Variants in TAF6 observed in about 807,000 individuals in gnomAD.
The protein encoded by TAF6 is transcription initiation factor TFIID subunit 6.
Under a neutral mutation model 73.5 loss-of-function variants are expected in TAF6, and 50 were observed. That is an observed-to-expected ratio of 0.68 (90% CI 0.54 to 0.86). The LOEUF is 0.86. TAF6 is among the 40% of genes least tolerant of loss of function. The probability of loss-of-function intolerance (pLI) is 0.00; values close to 1 mark genes in which losing one functional copy is unlikely to be tolerated. For missense variants in TAF6, 768 were observed against 899.5 expected (o/e 0.85, Z 1.87); for synonymous variants, 424 against 376.7 (o/e 1.13, Z -1.45).
chr7:100,117,267 C>CT (rs1181165298), intron 1 of TAF6, among the ~76,000 whole-genome samples: 22,603 of 105,060 alleles, frequency 0.22, 3,217 homozygotes, highest in East Asian at 0.35. Context: ...AGACAGGGCT[C>CT]TTTTTTTTTT....
At chr7:100,121,116 ATTTTTTTTTTTTTTTTTTTTT>A (rs1163501525), upstream of TAF6, 4 of 52,800 alleles carry the variant, frequency 7.6e-5, no homozygotes, top group African/African-American at 3.9e-4. Flanking sequence ...ATATATATAT[ATTTTTTTTTTTTTTTTTTTTT>A]TTTTTTTTTT....
intron 1 of TAF6, 130 bp from the exon 2 acceptor site, chr7:100,114,398 C>G: frequency 1.1e-6 from 1 of 927,510 alleles, no homozygotes; most frequent in Non-Finnish European, 1.7e-6. Flanking sequence ...TGAGTCAGCC[C>G]TGAGGTGTAA....
upstream of TAF6, chr7:100,124,658 C>T (rs1798165627): frequency 6.2e-7 from 1 of 1,611,568 alleles, no homozygotes; most frequent in South Asian, 1.1e-5. Flanking sequence ...AACTCCTCTC[C>T]TGCCAAGCCA....
At chr7:100,124,624 T>G, upstream of TAF6, 1 of 1,613,224 alleles carries the variant, frequency 6.2e-7, no homozygotes, top group Non-Finnish European at 8.5e-7. Context: ...TCCCAGCTGC[T>G]GAAACTGGTA....
At chr7:100,118,850 C>A (rs1288895371) in intron 1 of TAF6, 1 of 985,178 alleles carries the variant, frequency 1.0e-6, no homozygotes, top group Non-Finnish European at 1.2e-6. Flanking sequence ...TAAGTCTTAT[C>A]TATAGGGAAC....
At chr7:100,124,345 T>A, upstream of TAF6, 1 of 585,052 alleles carries the variant, frequency 1.7e-6, no homozygotes, top group Non-Finnish European at 3.1e-6. Flanking sequence ...GCAGAATAGG[T>A]GCTGGTAAAT....
chr7:100,123,940 C>T (rs577826451), upstream of TAF6, among the ~76,000 whole-genome samples: 270 of 152,202 alleles, frequency 1.8e-3, no homozygotes, highest in South Asian at 3.7e-3. Context: ...ACCAGCCGGG[C>T]CATCATAGTG....
intron 3 of TAF6, 46 bp from the exon 4 acceptor site, chr7:100,113,815 A>T: frequency 6.2e-7 from 1 of 1,610,082 alleles, no homozygotes; most frequent in Non-Finnish European, 8.5e-7. Flanking sequence ...GCCGGAGGAG[A>T]CCTGGCTGAA....
At chr7:100,114,447 T>C in intron 1 of TAF6, 179 bp from the exon 2 acceptor site, 1 of 685,944 alleles carries the variant, frequency 1.5e-6, no homozygotes, top group Admixed American at 2.3e-5. Context: ...CCAGGTTCAG[T>C]GGCTCACGCC....
chr7:100,121,117 T>TATATATATATATATATATATA (rs1491228284), upstream of TAF6: 10 of 35,150 alleles, frequency 2.8e-4, no homozygotes, highest in Admixed American at 4.9e-4. Context: ...TATATATATA[T>TATATATATATATATATATATA]TTTTTTTTTT....
intron 1 of TAF6, chr7:100,118,971 G>C: frequency 1.0e-6 from 1 of 985,354 alleles, no homozygotes; most frequent in Non-Finnish European, 1.2e-6. Context: ...GGTACCCTCT[G>C]CCAGTAAAGG....
chr7:100,125,991 C>T, the TAF6 span, among the ~76,000 whole-genome samples: 10 of 152,106 alleles, frequency 6.6e-5, no homozygotes, highest in African/African-American at 2.4e-4. Flanking sequence ...TCGAGACCAT[C>T]CTGGCTAATA....
At chr7:100,108,722 T>C (rs1324512065) in intron 12 of TAF6, 182 bp from the exon 13 acceptor site, 2 of 571,630 alleles carry the variant, frequency 3.5e-6, no homozygotes, top group Admixed American at 3.3e-5. Context: ...TACAGAACAC[T>C]GTGGGCTTTC....
chr7:100,122,599 G>A, upstream of TAF6: 3 of 1,574,040 alleles, frequency 1.9e-6, no homozygotes, highest in Non-Finnish European at 2.6e-6. Flanking sequence ...CCCCAGGGCA[G>A]GACCCCACTT....
chr7:100,122,854 C>A, upstream of TAF6: 1 of 1,613,862 alleles, frequency 6.2e-7, no homozygotes, highest in Non-Finnish European at 8.5e-7. Flanking sequence ...CTGGGGATCC[C>A]TCTGGAGCTT....
Position 100,108,439 on chromosome 7 carries a change from C to G in TAF6, c.1386G>C (p.Gln462His). The change falls in exon 13 of 15, where the codon CAG becomes CAC. Residue 462 changes from glutamine to histidine, a missense_variant. Transcript: ENST00000453269. ...FGSLGPLLCS[Q>H]VVKARAQAAL... is the part of the protein sequence containing the mutation. The stretch of plus-strand genomic sequence containing the variant: ...CAGCCTGGGCCCGAGCCTTGACCAC[C>G]TGGGAGCAGAGGAGGGGCCCAAGGG... 1 of 1,613,980 alleles carries G rather than the reference C, an allele frequency of 6.2e-7. No individual in the cohort carries two copies. Among genetic ancestry groups the G allele is most frequent in the Non-Finnish European group, 8.5e-7 (1 of 1,179,886 alleles).
upstream of TAF6, chr7:100,120,083 A>G: frequency 2.2e-6 from 1 of 449,100 alleles, no homozygotes; most frequent in Non-Finnish European, 3.9e-6. Flanking sequence ...GCTGGCTTGG[A>G]ACCCCCCGCC....
At chr7:100,121,573 G>A (rs537535338), upstream of TAF6, among the ~76,000 whole-genome samples, 3 of 151,858 alleles carry the variant, frequency 2.0e-5, no homozygotes, top group Admixed American at 6.6e-5. Context: ...TCAGCTTCCC[G>A]AGTAGCTATT....
In TAF6 at chr7:100,112,150, C is replaced by G. The variant is rs200465178; in HGVS notation, c.678G>C (p.Glu226Asp). 1 of 1,614,024 alleles carries G rather than the reference C, an allele frequency of 6.2e-7. No individual in the cohort carries two copies. Among genetic ancestry groups the G allele is most frequent in the Non-Finnish European group, 8.5e-7 (1 of 1,179,976 alleles). The part of the protein sequence containing the change: ...LSVEQQLYYK[E>D]ITEACVGSCE... ...AGGAGCCCACGCAGGCCTCGGTGAT[C>G]TCCTTGTAGTAGAGCTGCTGCTCCA... Residue 226 changes from glutamate (E) to aspartate (D), a missense_variant, in exon 7 of 15, where the codon GAG becomes GAC. Glu to Asp is a conservative substitution (Grantham distance 45). Coordinates refer to ENST00000453269, the MANE Select transcript of TAF6 (RefSeq NM_139315.3).
Sources: allele counts gnomAD v4.1 joint callset (sites outside exome capture counted in the v4.1 genomes callset), GRCh38; gene constraint gnomAD v4.1.1; transcripts MANE v1.5; gene names NCBI Gene and HGNC (gene_info 2026-07-23, HGNC 2026-07-21).